The following PGM1 variants were observed in gnomAD, a reference collection of about 807,000 sequenced individuals.
PGM1 encodes phosphoglucomutase 1, also known as phosphoglucomutase-1.
Under a neutral mutation model 55.6 loss-of-function variants are expected in PGM1, and 52 were observed. That is an observed-to-expected ratio of 0.94 (90% CI 0.75 to 1.18). PGM1 has a LOEUF of 1.18. PGM1 is among the 50% of genes most tolerant of loss of function. The probability of loss-of-function intolerance (pLI) is 0.00; values close to 1 mark genes in which losing one functional copy is unlikely to be tolerated. For missense variants in PGM1, 724 were observed against 729.3 expected (o/e 0.99, Z 0.08); for synonymous variants, 287 against 271.7 (o/e 1.06, Z -0.55).
intron 1 of PGM1, among the ~76,000 whole-genome samples, chr1:63,626,112 G>A (rs751712073): frequency 2.1e-4 from 32 of 152,324 alleles, no homozygotes; most frequent in South Asian, 2.1e-3. Flanking sequence ...GAAGGAAGTC[G>A]TGGGAAAGGA....
At chr1:63,600,047 T>C (rs1275502871) in intron 1 of PGM1, 1 of 152,174 alleles carries the variant, frequency 6.6e-6, no homozygotes, top group Non-Finnish European at 1.5e-5. Flanking sequence ...AAGAGGTGCC[T>C]GCACCTAAAA....
chr1:63,593,902 G>T, intron 1 of PGM1, 168 bp downstream of exon 1: 4 of 1,249,278 alleles, frequency 3.2e-6, no homozygotes, highest in Non-Finnish European at 4.0e-6. Flanking sequence ...CTGGAGGCCC[G>T]ACGGAGGTCG....
At chr1:63,646,885 C>A (rs1449059166) in intron 7 of PGM1, among the ~76,000 whole-genome samples, 1 of 152,014 alleles carries the variant, frequency 6.6e-6, no homozygotes, top group Admixed American at 6.6e-5. Flanking sequence ...TATTGAAATT[C>A]TTTTTTCTTA....
At chr1:63,628,634 T>C (rs1251180855) in intron 1 of PGM1, among the ~76,000 whole-genome samples, 2 of 152,224 alleles carry the variant, frequency 1.3e-5, no homozygotes, top group Non-Finnish European at 2.9e-5. Context: ...CTTTTCCAAC[T>C]TGAGTCATGT....
Position 63,651,788 on chromosome 1 carries a change from C to T in PGM1, c.1400C>T (p.Thr467Ile). The change falls in exon 9 of 11, where the codon ACT becomes ATT. Residue 467 changes from threonine (T) to isoleucine (I), a missense_variant. Physicochemically the swap from Thr to Ile is moderately conservative, Grantham distance 89. This residue lies in a region of PGM1 where 316 missense variants were observed against 313.1 expected (regional missense o/e 1.01). Transcript: ENST00000371084. ...KQFSANDKVY[T>I]VEKADNFEYS... is the part of the protein sequence containing the mutation. ...TTCTCAGCAAATGACAAAGTTTACA[C>T]TGTGGAGAAGGCCGATAACTTTGAA... is the stretch of plus-strand genomic sequence containing the variant. 2 of 1,613,986 alleles carry T rather than the reference C, an allele frequency of 1.2e-6. No homozygotes were observed. Among genetic ancestry groups the T allele is most frequent in the East Asian group, 2.2e-5 (1 of 44,866 alleles).
intron 1 of PGM1, among the ~76,000 whole-genome samples, chr1:63,594,936 C>T (rs1285764540): frequency 1.9e-4 from 24 of 128,570 alleles, no homozygotes; most frequent in African/African-American, 7.5e-4. Flanking sequence ...ACTCTAGCCT[C>T]GGCGACAGAG....
Position 63,638,712 on chromosome 1 carries a change from G to T in PGM1, c.1056G>T (p.Leu352Phe), listed in dbSNP as rs1239797369. Residue 352 changes from leucine (L) to phenylalanine (F), a missense_variant, in exon 7 of 11, where the codon TTG (leucine) becomes TTT (phenylalanine). By Grantham distance (22) the Leu-to-Phe change is conservative. This residue lies in a region of PGM1 where 316 missense variants were observed against 313.1 expected (regional missense o/e 1.01). Coordinates refer to ENST00000371084, the MANE Select transcript of PGM1 (RefSeq NM_002633.3). ...DRVASATKIALYETPTGWKFF... is the reference protein window; with the variant it reads ...DRVASATKIAFYETPTGWKFF... ...TGGCTAGTGCTACAAAGATTGCTTT[G>T]TATGAGACCCCAACTGGCTGGAAGT... The T allele has an allele frequency of 6.2e-7, 1 of 1,613,790 alleles. No individual in the cohort carries two copies. Among genetic ancestry groups the T allele is most frequent in the African/African-American group, 1.3e-5 (1 of 74,904 alleles).
At chr1:63,632,197 TAGA>T (rs1406522493) in intron 4 of PGM1, among the ~76,000 whole-genome samples, 1 of 152,066 alleles carries the variant, frequency 6.6e-6, no homozygotes, top group Non-Finnish European at 1.5e-5. Flanking sequence ...CTCGTTTTCT[TAGA>T]AGAGGGCAAG....
intron 3 of PGM1, among the ~76,000 whole-genome samples, chr1:63,631,275 A>G (rs1649185901): frequency 6.6e-6 from 1 of 152,210 alleles, no homozygotes; most frequent in Non-Finnish European, 1.5e-5. Context: ...TACTCTCTAT[A>G]ACACCAAAAC....
chr1:63,596,299 C>T (rs1648070278), intron 1 of PGM1, among the ~76,000 whole-genome samples: 1 of 138,766 alleles, frequency 7.2e-6, no homozygotes, highest in Non-Finnish European at 1.5e-5. Flanking sequence ...TACTCTGTCG[C>T]CTAGGCTGGA....
At chr1:63,631,271 C>G (rs77193347) in intron 3 of PGM1, among the ~76,000 whole-genome samples, 1 of 152,144 alleles carries the variant, frequency 6.6e-6, no homozygotes, top group Non-Finnish European at 1.5e-5. Context: ...TTTCTACTCT[C>G]TATAACACCA....
At chr1:63,613,609 A>C (rs1162433164) in intron 1 of PGM1, among the ~76,000 whole-genome samples, 1 of 151,674 alleles carries the variant, frequency 6.6e-6, no homozygotes, top group Middle Eastern at 3.2e-3. Context: ...ACCCTAATCC[A>C]GTATGCTCTC....
chr1:63,638,342 C>T (rs572580435), intron 6 of PGM1, among the ~76,000 whole-genome samples: 1 of 152,318 alleles, frequency 6.6e-6, no homozygotes, highest in South Asian at 2.1e-4. Context: ...CATCATTCTT[C>T]TCTTCTTTAT....
intron 1 of PGM1, among the ~76,000 whole-genome samples, chr1:63,608,828 A>G (rs1251401743): frequency 1.3e-5 from 2 of 152,240 alleles, no homozygotes; most frequent in African/African-American, 2.4e-5. Context: ...ACAGTTTGCC[A>G]TAGACAGCTC....
At chr1:63,637,155 A>G (rs926885989) in intron 6 of PGM1, among the ~76,000 whole-genome samples, 1 of 152,260 alleles carries the variant, frequency 6.6e-6, no homozygotes, top group Admixed American at 6.5e-5. Context: ...AGGCTGTAAT[A>G]TATCTCTAGG....
At chr1:63,634,438 TG>T (rs1452211613) in intron 4 of PGM1, among the ~76,000 whole-genome samples, 3 of 152,180 alleles carry the variant, frequency 2.0e-5, no homozygotes, top group Non-Finnish European at 4.4e-5. Context: ...CTGGCAGAGC[TG>T]GGATTTGAAC....
At chr1:63,653,737 C>T (rs1236446595) in intron 9 of PGM1, among the ~76,000 whole-genome samples, 1 of 152,198 alleles carries the variant, frequency 6.6e-6, no homozygotes, top group Admixed American at 6.5e-5. Context: ...GGGCTTGGCA[C>T]TTCACACGGA....
At chr1:63,639,449 T>C (rs1308260177) in intron 7 of PGM1, among the ~76,000 whole-genome samples, 3 of 151,854 alleles carry the variant, frequency 2.0e-5, no homozygotes, top group Non-Finnish European at 2.9e-5. Context: ...CTTCCTCCTC[T>C]CTGCTTGTCC....
chr1:63,641,696 T>C (rs1649522891), intron 7 of PGM1, among the ~76,000 whole-genome samples: 2 of 152,226 alleles, frequency 1.3e-5, no homozygotes, highest in Non-Finnish European at 2.9e-5. Flanking sequence ...TTCTTTGTTG[T>C]ACTTGTTGCA....
Sources: gnomAD v4.1 joint callset for allele counts (sites outside exome capture counted in the v4.1 genomes callset) on GRCh38, gnomAD v4.1.1 for gene constraint, gnomAD v4.1.1 regional missense constraint, MANE v1.5 for transcripts, NCBI Gene and HGNC (gene_info 2026-07-23, HGNC 2026-07-21) for gene names.